Variants in TMCC1 observed in about 807,000 individuals in gnomAD.
TMCC1 encodes the protein transmembrane and coiled-coil domain family 1.
A neutral mutation model predicts 52.4 loss-of-function variants in TMCC1; 15 were observed. That is an observed-to-expected ratio of 0.29 (90% CI 0.19 to 0.44). TMCC1 has a LOEUF of 0.44. Ranked by LOEUF, TMCC1 falls within the 20% of genes least tolerant of loss-of-function variation. The pLI is 1.00. For missense variants in TMCC1, 503 were observed against 806.0 expected (o/e 0.62, Z 4.55); for synonymous variants, 279 against 301.9 (o/e 0.92, Z 0.79).
intron 1 of TMCC1, among the ~76,000 whole-genome samples, chr3:129,884,431 C>T (rs111917599): frequency 6.6e-6 from 1 of 151,986 alleles, no homozygotes; most frequent in African/African-American, 2.4e-5. Flanking sequence ...AATTGGAGAC[C>T]AGCCTGGGCA....
chr3:129,779,518 C>T lies in TMCC1; in HGVS notation c.576+48285G>A, dbSNP rs116678359. Among the ~76,000 whole-genome samples the T allele has an allele frequency of 6.8e-3, 1,036 of 152,030 alleles. 11 individuals carry two copies. The highest frequency in any genetic ancestry group is 0.024 in the African/African-American group (989 of 41,478). On this transcript the variant is annotated intron_variant, in intron 4 of 6. Coordinates refer to ENST00000393238, the MANE Select transcript of TMCC1 (RefSeq NM_001017395.5). ...TGATACATTTATGTGGTAGTTAGTC[C>T]TTTGATATTATGGGTAAATATCCTC...
intron 4 of TMCC1, among the ~76,000 whole-genome samples, chr3:129,795,025 C>A (rs540577521): frequency 2.0e-5 from 3 of 152,166 alleles, no homozygotes; most frequent in African/African-American, 7.2e-5. Context: ...CTTTGTCTAG[C>A]ATAATTGGCC....
chr3:129,709,877 C>A (rs2048535695), intron 4 of TMCC1, among the ~76,000 whole-genome samples: 1 of 151,846 alleles, frequency 6.6e-6, no homozygotes, highest in South Asian at 2.1e-4. Flanking sequence ...ACCAAAATTC[C>A]CAGTGGATAT....
At chr3:129,867,161 T>C (rs1390957867) in intron 2 of TMCC1, 1 of 151,824 alleles carries the variant, frequency 6.6e-6, no homozygotes, top group Non-Finnish European at 1.5e-5. Flanking sequence ...CCTCTCAAAG[T>C]CCACTCTTCA....
rs1209442045 is a variant in TMCC1 at position 129,651,291 on chromosome 3, C to T, written c.*190G>A. 19 of 670,200 alleles carry T rather than the reference C, an allele frequency of 2.8e-5. No homozygotes were observed. The South Asian group carries it at 4.5e-4, about 16-fold the overall frequency. The allele number at this position is 670,200 out of a possible 1,614,324, so 41.5% of individuals were successfully genotyped here. A position where few individuals can be genotyped will look rare whatever the true frequency, so the allele number is the denominator to read the frequency against. ...TGATCCAAGATTTTCGCCCAAAAAA[C>T]TTCTTGGATAAAATCTAAAAAATAC... is the stretch of plus-strand genomic sequence containing the variant. On this transcript the variant is annotated 3_prime_UTR_variant, in exon 7 of 7. Transcript: ENST00000393238. The surrounding 1 kb of genome is among the most constrained non-coding windows in gnomAD (Gnocchi z 5.1).
At chr3:129,746,317 T>A (rs1232230946) in intron 4 of TMCC1, among the ~76,000 whole-genome samples, 1 of 150,610 alleles carries the variant, frequency 6.6e-6, no homozygotes, top group African/African-American at 2.4e-5. Context: ...ACTACAGGCG[T>A]GCGCCACCAC....
intron 4 of TMCC1, among the ~76,000 whole-genome samples, chr3:129,823,325 TCAAAC>T (rs2058508307): frequency 2.6e-5 from 1 of 38,110 alleles, no homozygotes; most frequent in South Asian, 1.9e-3. Context: ...AAATTCCATC[TCAAAC>T]AAAACAAAAC....
At chr3:129,792,474 C>T (rs1576865984) in intron 4 of TMCC1, among the ~76,000 whole-genome samples, 1 of 152,014 alleles carries the variant, frequency 6.6e-6, no homozygotes, top group East Asian at 1.9e-4. Flanking sequence ...CGTCAGCCTC[C>T]CAAGTAGCTG....
intron 1 of TMCC1, among the ~76,000 whole-genome samples, chr3:129,886,557 A>G (rs2061711664): frequency 6.6e-6 from 1 of 152,208 alleles, no homozygotes; most frequent in Admixed American, 6.5e-5. Context: ...CATACAATGG[A>G]ATATTACTAT....
At chr3:129,845,968 A>G (rs1310070190) in intron 2 of TMCC1, among the ~76,000 whole-genome samples, 1 of 152,146 alleles carries the variant, frequency 6.6e-6, no homozygotes, top group African/African-American at 2.4e-5. Flanking sequence ...GGAGAGGTAC[A>G]GGCTGCAGTG....
chr3:129,878,577 T>C (rs1450406029), intron 2 of TMCC1, among the ~76,000 whole-genome samples: 1 of 152,170 alleles, frequency 6.6e-6, no homozygotes, highest in East Asian at 1.9e-4. Flanking sequence ...GGCTCCAAAC[T>C]AGTATTTCTG....
At chr3:129,731,412 T>G (rs1193069191) in intron 4 of TMCC1, among the ~76,000 whole-genome samples, 1 of 152,190 alleles carries the variant, frequency 6.6e-6, no homozygotes, top group Non-Finnish European at 1.5e-5. Flanking sequence ...ACCCTGTCTC[T>G]ACTAAAAATA....
chr3:129,691,060 T>C (rs1441177771), intron 4 of TMCC1, among the ~76,000 whole-genome samples: 1 of 152,224 alleles, frequency 6.6e-6, no homozygotes, highest in Non-Finnish European at 1.5e-5. Context: ...TGACTTTTTG[T>C]TTCTGGTTTA....
At chr3:129,663,143 T>G (rs2087169439) in intron 5 of TMCC1, among the ~76,000 whole-genome samples, 1 of 152,180 alleles carries the variant, frequency 6.6e-6, no homozygotes, top group African/African-American at 2.4e-5. Context: ...TGTGTCAAAT[T>G]ACTGATGAAT....
intron 2 of TMCC1, among the ~76,000 whole-genome samples, chr3:129,837,336 G>C (rs752432862): frequency 6.6e-6 from 1 of 152,068 alleles, no homozygotes; most frequent in Non-Finnish European, 1.5e-5. Flanking sequence ...GCAAGACTCA[G>C]ACTCTCACGG....
In TMCC1 at chr3:129,682,717, T is replaced by C. The variant is rs932368189; in HGVS notation, c.577-11453A>G. ...ATCAAAATCTGTCTCAAACTAAGCA[T>C]TCAATGTCCTCGCCTCTCTTTCAAA... On this transcript the variant is annotated intron_variant, in intron 4 of 6. Coordinates refer to ENST00000393238, the MANE Select transcript of TMCC1 (RefSeq NM_001017395.5). Among the ~76,000 whole-genome samples the C allele has an allele frequency of 2.0e-5, 3 of 152,360 alleles. No individual in the cohort carries two copies. The South Asian group carries it at 6.2e-4, about 32-fold the overall frequency.
At chr3:129,804,255 A>G (rs958894355) in intron 4 of TMCC1, among the ~76,000 whole-genome samples, 1 of 152,256 alleles carries the variant, frequency 6.6e-6, no homozygotes, top group Admixed American at 6.5e-5. Flanking sequence ...CTTGCCTTAA[A>G]GTCTAACTCG....
intron 4 of TMCC1, among the ~76,000 whole-genome samples, chr3:129,751,337 C>T (rs969863212): frequency 2.0e-5 from 3 of 152,022 alleles, no homozygotes; most frequent in Non-Finnish European, 4.4e-5. Context: ...CAGGACAAGC[C>T]TGGGCAACAT....
intron 4 of TMCC1, among the ~76,000 whole-genome samples, chr3:129,736,714 GTT>G (rs2051000141): frequency 6.6e-6 from 1 of 151,834 alleles, no homozygotes. Context: ...TAGAGACAGG[GTT>G]TCACTGTGTT....
Sources: gnomAD v4.1 joint callset for allele counts (sites outside exome capture counted in the v4.1 genomes callset) on GRCh38, gnomAD v4.1.1 for gene constraint, Gnocchi (gnomAD v3.1) non-coding constraint, MANE v1.5 for transcripts, NCBI Gene and HGNC (gene_info 2026-07-23, HGNC 2026-07-21) for gene names.